SH3PXD2A: variants seen among roughly 807,000 people sequenced by gnomAD.
SH3PXD2A encodes the protein SH3 and PX domains 2A, also known as SH3 and PX domain-containing protein 2A.
A neutral mutation model predicts 115.2 loss-of-function variants in SH3PXD2A; 32 were observed. That is an observed-to-expected ratio of 0.28 (90% CI 0.21 to 0.37). The LOEUF (loss-of-function observed/expected upper bound fraction) is 0.37, where lower values mean the gene tolerates loss of function less well. SH3PXD2A is among the 10% of genes least tolerant of loss of function. The probability of loss-of-function intolerance (pLI) is 1.00; values close to 1 mark genes in which losing one functional copy is unlikely to be tolerated. For synonymous variants in SH3PXD2A, 610 were observed against 629.1 expected, an observed-to-expected ratio of 0.97 and a Z score of 0.45; for missense variants, 1,328 against 1,498.7, an observed-to-expected ratio of 0.89 and a Z score of 1.88.
intron 8 of SH3PXD2A, among the ~76,000 whole-genome samples, chr10:103,648,066 G>A (rs947157595): frequency 2.6e-5 from 4 of 152,134 alleles, no homozygotes; most frequent in Non-Finnish European, 5.9e-5. Flanking sequence ...ACATATCCAC[G>A]CAGGAAAGAT....
chr10:103,766,597 G>C (rs1564883878), intron 3 of SH3PXD2A, among the ~76,000 whole-genome samples: 1 of 152,162 alleles, frequency 6.6e-6, no homozygotes, highest in African/African-American at 2.4e-5. Context: ...ATACACCTGA[G>C]AAGTTTTCCT....
At position 103,802,844 on chromosome 10, in the gene SH3PXD2A, G is replaced by A. The variant is rs111911256; in HGVS notation, c.73-1482C>T. 1.4e-3 allele frequency among the ~76,000 whole-genome samples: 211 copies of A among 152,202 alleles called. 1 individual carries two copies. Among genetic ancestry groups the A allele is most frequent in the African/African-American group, 4.5e-3 (188 of 41,522 alleles). The stretch of plus-strand genomic sequence containing the variant: ...GGCTTCATAAAAATTCAGATTCCGG[G>A]GTCTCTGCCTAGTCACTGTGTCCTG... On this transcript the variant is annotated intron_variant, in intron 1 of 14. Transcript: ENST00000369774.
At chr10:103,702,596 C>CGTGTGTGT (rs6144056) in intron 5 of SH3PXD2A, among the ~76,000 whole-genome samples, 70 of 147,548 alleles carry the variant, frequency 4.7e-4, no homozygotes, top group East Asian at 3.5e-3. Context: ...TGTGTGTGTG[C>CGTGTGTGT]GTGTGTGTGT....
intron 8 of SH3PXD2A, among the ~76,000 whole-genome samples, chr10:103,632,575 C>T (rs2036796182): frequency 6.7e-6 from 1 of 150,144 alleles, no homozygotes. Context: ...TCATGTTAAC[C>T]TGTGCCCACC....
chr10:103,701,675 C>G (rs62649700), intron 5 of SH3PXD2A, among the ~76,000 whole-genome samples: 2 of 144,326 alleles, frequency 1.4e-5, no homozygotes, highest in East Asian at 4.4e-4. Flanking sequence ...CATCCATCAT[C>G]CATCCATCCA....
At chr10:103,673,906 G>A (rs1467409128) in intron 6 of SH3PXD2A, among the ~76,000 whole-genome samples, 1 of 152,198 alleles carries the variant, frequency 6.6e-6, no homozygotes, top group African/African-American at 2.4e-5. Flanking sequence ...TGGGCTCTGG[G>A]GAGGGGAGGG....
intron 5 of SH3PXD2A, among the ~76,000 whole-genome samples, chr10:103,713,503 A>G (rs1247543546): frequency 6.6e-6 from 1 of 152,196 alleles, no homozygotes; most frequent in East Asian, 1.9e-4. Context: ...CTCTCACGGA[A>G]GATGAAATTT....
chr10:103,834,948 T>C (rs779783477), intron 1 of SH3PXD2A, among the ~76,000 whole-genome samples: 67 of 152,194 alleles, frequency 4.4e-4, no homozygotes, highest in Non-Finnish European at 1.6e-4. Context: ...CTTATCTTAA[T>C]AGTTCTGGGC....
intron 1 of SH3PXD2A, among the ~76,000 whole-genome samples, chr10:103,845,365 G>GA (rs1842835277): frequency 1.4e-5 from 2 of 144,290 alleles, no homozygotes; most frequent in Admixed American, 6.9e-5. Context: ...AAAAGAAAAA[G>GA]AAAAAAAGGG....
At chr10:103,741,779 A>T (rs1421216337) in intron 3 of SH3PXD2A, among the ~76,000 whole-genome samples, 1 of 152,226 alleles carries the variant, frequency 6.6e-6, no homozygotes, top group Non-Finnish European at 1.5e-5. Flanking sequence ...GTCTGAGAAC[A>T]GAAAGGAAGG....
chr10:103,811,064 G>T (rs1196053811), intron 1 of SH3PXD2A, among the ~76,000 whole-genome samples: 1 of 152,190 alleles, frequency 6.6e-6, no homozygotes, highest in Non-Finnish European at 1.5e-5. Context: ...GCCCAGGGCT[G>T]GGAAAACAAT....
chr10:103,834,790 A>G (rs1284788321), intron 1 of SH3PXD2A, among the ~76,000 whole-genome samples: 1 of 152,208 alleles, frequency 6.6e-6, no homozygotes, highest in African/African-American at 2.4e-5. Flanking sequence ...CAGATTAAGT[A>G]ATTTGCCCAA....
At chr10:103,737,806 C>T (rs1256234764) in intron 3 of SH3PXD2A, among the ~76,000 whole-genome samples, 1 of 152,202 alleles carries the variant, frequency 6.6e-6, no homozygotes, top group Non-Finnish European at 1.5e-5. Context: ...ACAGGGGACC[C>T]AGGGGCCATG....
At chr10:103,777,364 G>A (rs930457035) in intron 2 of SH3PXD2A, among the ~76,000 whole-genome samples, 11 of 152,274 alleles carry the variant, frequency 7.2e-5, no homozygotes, top group Non-Finnish European at 1.6e-4. Context: ...ATGGGTCTGG[G>A]AGGCGTCTTG....
At chr10:103,714,913 C>G (rs1260271949) in intron 5 of SH3PXD2A, among the ~76,000 whole-genome samples, 1 of 152,232 alleles carries the variant, frequency 6.6e-6, no homozygotes, top group East Asian at 1.9e-4. Flanking sequence ...CCCAATCCCC[C>G]AGGAGAGACA....
At chr10:103,606,367 A>C (rs1361223729) in intron 13 of SH3PXD2A, among the ~76,000 whole-genome samples, 27 of 103,374 alleles carry the variant, frequency 2.6e-4, no homozygotes, top group East Asian at 5.6e-4. Context: ...ACACCACCAC[A>C]CCTGGTTAAT....
intron 7 of SH3PXD2A, chr10:103,661,832 G>C (rs1185515079): frequency 6.1e-6 from 6 of 985,174 alleles, no homozygotes; most frequent in South Asian, 9.4e-5. Flanking sequence ...GGCAGGGGAG[G>C]GGGAGGAGGC....
chr10:103,784,189 G>A lies in SH3PXD2A; in HGVS notation c.154-17020C>T, dbSNP rs2134244153. 6.6e-6 allele frequency among the ~76,000 whole-genome samples: 1 copy of A among 152,302 alleles called. No homozygotes were observed. Among genetic ancestry groups the A allele is most frequent in the Admixed American group, 6.5e-5 (1 of 15,300 alleles). ...ATGCTGGCTGCTCGGGGGTTGCTGG[G>A]GCACCTGTGTGCAGGCCTGCCCTTT... is the stretch of plus-strand genomic sequence containing the variant. On this transcript the variant is annotated intron_variant, in intron 2 of 14. Transcript: ENST00000369774. The surrounding 1 kb of genome is among the most constrained non-coding windows in gnomAD (Gnocchi z 4.4).
intron 3 of SH3PXD2A, among the ~76,000 whole-genome samples, chr10:103,765,917 G>A (rs894120525): frequency 5.9e-5 from 9 of 152,172 alleles, no homozygotes; most frequent in South Asian, 2.1e-4. Context: ...GCCAGGGGCC[G>A]AGAGTCCCTA....
Sources: allele counts gnomAD v4.1 joint callset (sites outside exome capture counted in the v4.1 genomes callset), GRCh38; gene constraint gnomAD v4.1.1; non-coding constraint Gnocchi (gnomAD v3.1); transcripts MANE v1.5; gene names NCBI Gene and HGNC (gene_info 2026-07-23, HGNC 2026-07-21).